The following TUT4 variants were observed in gnomAD, a reference collection of about 807,000 sequenced individuals.
The protein encoded by TUT4 is terminal uridylyltransferase 4.
A neutral mutation model predicts 192.2 loss-of-function variants in TUT4; 36 were observed. That is an observed-to-expected ratio of 0.19 (90% CI 0.14 to 0.25). TUT4 has a LOEUF of 0.25. TUT4 is among the 10% of genes least tolerant of loss of function. The pLI is 1.00. For synonymous variants in TUT4, 618 were observed against 666.0 expected (o/e 0.93, Z 1.11); for missense variants, 1,493 against 1,957.2 (o/e 0.76, Z 4.47).
At chr1:52,529,772 T>C (rs1310763914) in intron 1 of TUT4, 1 of 152,174 alleles carries the variant, frequency 6.6e-6, no homozygotes, top group Admixed American at 6.5e-5. Flanking sequence ...ATGTACCTAA[T>C]ATAGATCAAT....
chr1:52,495,806 C>T (rs1672310489), intron 5 of TUT4, among the ~76,000 whole-genome samples: 1 of 152,076 alleles, frequency 6.6e-6, no homozygotes, highest in Non-Finnish European at 1.5e-5. Flanking sequence ...GTTTAGCATT[C>T]AATATATAAC....
chr1:52,546,240 T>C (rs1007113904), intron 1 of TUT4, among the ~76,000 whole-genome samples: 13 of 152,212 alleles, frequency 8.5e-5, no homozygotes, highest in African/African-American at 3.1e-4. Flanking sequence ...TAAGAGATAC[T>C]GTACACTCAT....
chr1:52,548,576 G>A (rs1688654096), intron 1 of TUT4, among the ~76,000 whole-genome samples: 1 of 152,010 alleles, frequency 6.6e-6, no homozygotes, highest in African/African-American at 2.4e-5. Context: ...CCTTCTACAT[G>A]GACTTTTCCC....
At chr1:52,461,927 A>C (rs1662673908) in intron 16 of TUT4, 158 bp from the exon 17 acceptor site, 4 of 481,702 alleles carry the variant, frequency 8.3e-6, no homozygotes, top group Non-Finnish European at 1.5e-5. Context: ...CTACAGTATC[A>C]GCATAATCTG....
At chr1:52,432,407 T>C (rs2148176341) in intron 27 of TUT4, 1 of 152,272 alleles carries the variant, frequency 6.6e-6, no homozygotes, top group Middle Eastern at 3.4e-3. Context: ...TGAAAGAAGT[T>C]TAATATTACT....
chr1:52,539,920 CA>C (rs1169210794), intron 1 of TUT4, among the ~76,000 whole-genome samples: 13 of 136,196 alleles, frequency 9.5e-5, no homozygotes, highest in Admixed American at 8.8e-4. Flanking sequence ...AAAAAAAAAA[CA>C]AAAAAAACAG....
intron 2 of TUT4, among the ~76,000 whole-genome samples, chr1:52,520,407 T>C (rs1377087664): frequency 6.6e-6 from 1 of 152,168 alleles, no homozygotes; most frequent in East Asian, 1.9e-4. Context: ...GTAAGATGAG[T>C]TGGTGCAGGC....
At chr1:52,532,474 C>T (rs1683746483) in intron 1 of TUT4, among the ~76,000 whole-genome samples, 1 of 151,756 alleles carries the variant, frequency 6.6e-6, no homozygotes, top group African/African-American at 2.4e-5. Flanking sequence ...CCACACCTGG[C>T]AATTTTTTAA....
intron 20 of TUT4, among the ~76,000 whole-genome samples, chr1:52,452,637 G>A (rs1485672976): frequency 1.3e-5 from 2 of 152,190 alleles, no homozygotes. Flanking sequence ...CTGAACACAT[G>A]GAGGTTCCTA....
intron 2 of TUT4, among the ~76,000 whole-genome samples, chr1:52,521,667 A>G (rs1680313559): frequency 6.6e-6 from 1 of 150,880 alleles, no homozygotes; most frequent in Non-Finnish European, 1.5e-5. Flanking sequence ...TGTCTCAAAA[A>G]ACAACAAAAA....
At chr1:52,502,904 G>A (rs1429296940) in intron 4 of TUT4, among the ~76,000 whole-genome samples, 3 of 152,036 alleles carry the variant, frequency 2.0e-5, no homozygotes, top group Non-Finnish European at 4.4e-5. Context: ...GATTACAGGC[G>A]TGAGCCACCA....
chr1:52,447,397 C>T (rs779243111), intron 20 of TUT4, among the ~76,000 whole-genome samples: 9 of 150,018 alleles, frequency 6.0e-5, no homozygotes, highest in African/African-American at 1.5e-4. Context: ...TGCAGTCAGC[C>T]GAGATCGTGC....
At chr1:52,551,686 GCA>G (rs148407689) in intron 1 of TUT4, among the ~76,000 whole-genome samples, 6 of 151,788 alleles carry the variant, frequency 4.0e-5, no homozygotes, top group Admixed American at 1.3e-4. Context: ...GCTCGCGCGC[GCA>G]CACACACACA....
chr1:52,487,001 C>A (rs896152393), intron 9 of TUT4, among the ~76,000 whole-genome samples: 1 of 152,146 alleles, frequency 6.6e-6, no homozygotes, highest in Admixed American at 6.5e-5. Context: ...AAAGTACCAA[C>A]AAAGAAGCAA....
At chr1:52,548,587 A>T (rs1688656077) in intron 1 of TUT4, among the ~76,000 whole-genome samples, 1 of 152,180 alleles carries the variant, frequency 6.6e-6, no homozygotes, top group Non-Finnish European at 1.5e-5. Flanking sequence ...GACTTTTCCC[A>T]TCTATAAATG....
rs1488350294 is a variant in TUT4, at chr1:52,475,113, G to C, written c.2446C>G (p.Gln816Glu). Residue 816 changes from glutamine (Q) to glutamate (E), a missense_variant, in exon 13 of 30, where the codon CAA becomes GAA. By Grantham distance (29) the Gln-to-Glu change is conservative. Transcript: ENST00000257177. ...GTTTCTGAAGGCGCTAAATCATCTT[G>C]TTTCTTATCTAATTTTGGCTCTATT... ...SEIEPKLDKKQDDLAPSETCL... is the reference protein window; with the variant it reads ...SEIEPKLDKKEDDLAPSETCL... 6.2e-7 allele frequency: 1 copy of C among 1,613,936 alleles called. No individual in the cohort carries two copies. Among genetic ancestry groups the C allele is most frequent in the African/African-American group, 1.3e-5 (1 of 74,912 alleles).
chr1:52,532,010 C>A (rs576670623), intron 1 of TUT4, among the ~76,000 whole-genome samples: 195 of 150,682 alleles, frequency 1.3e-3, no homozygotes, highest in Non-Finnish European at 2.2e-3. Context: ...GCCTCAGCCT[C>A]CTGAGTAGCT....
chr1:52,535,503 G>A (rs910401162), intron 1 of TUT4, among the ~76,000 whole-genome samples: 2 of 151,836 alleles, frequency 1.3e-5, no homozygotes, highest in African/African-American at 4.8e-5. Context: ...TGTATTTTTT[G>A]TTCTCTGGCA....
intron 29 of TUT4, 60 bp downstream of exon 29, chr1:52,425,289 G>T: frequency 6.5e-7 from 1 of 1,546,548 alleles, no homozygotes; most frequent in Non-Finnish European, 8.7e-7. Context: ...CTTCACTAAG[G>T]CTCTCTATCC....
Sources: gnomAD v4.1 joint callset for allele counts (sites outside exome capture counted in the v4.1 genomes callset) on GRCh38, gnomAD v4.1.1 for gene constraint, MANE v1.5 for transcripts, NCBI Gene and HGNC (gene_info 2026-07-23, HGNC 2026-07-21) for gene names.